HECA: variants seen among roughly 807,000 people sequenced by gnomAD.
The protein encoded by HECA is HECA ribonucleoprotein granule regulator, also known as headcase protein homolog.
Under a neutral mutation model 37.6 loss-of-function variants are expected in HECA, and 13 were observed. The observed-to-expected ratio is 0.35, with a 90% CI of 0.23 to 0.55. The LOEUF is 0.55. HECA is among the 20% of genes least tolerant of loss of function. The pLI is 0.90. For missense variants in HECA, 527 were observed against 701.9 expected (o/e 0.75, Z 2.82); for synonymous variants, 307 against 291.5 (o/e 1.05, Z -0.54).
intron 2 of HECA, among the ~76,000 whole-genome samples, chr6:139,167,601 G>A (rs1227771827): frequency 2.0e-5 from 3 of 152,200 alleles, no homozygotes; most frequent in African/African-American, 7.2e-5. Flanking sequence ...AATGGGGAAG[G>A]AAATTAGTGG....
intron 2 of HECA, among the ~76,000 whole-genome samples, chr6:139,174,041 G>A (rs772774455): frequency 2.6e-5 from 4 of 152,192 alleles, no homozygotes; most frequent in Non-Finnish European, 4.4e-5. Context: ...TGAGCAGGAA[G>A]TCCTGCGTGA....
rs1487995806 is a variant in HECA, at chr6:139,135,667, G to C, written c.271G>C (p.Glu91Gln). 2 of 981,960 alleles carry C rather than the reference G, an allele frequency of 2.0e-6. No individual in the cohort carries two copies. Among genetic ancestry groups the C allele is most frequent in the Non-Finnish European group, 2.4e-6 (2 of 826,622 alleles). The allele number at this position is 981,960 out of a possible 1,614,324, so 60.8% of individuals were successfully genotyped here. A position where few individuals can be genotyped will look rare whatever the true frequency, so the allele number is the denominator to read the frequency against. ...GAAAAGDAKN[E>Q]APCATPLICS... is the part of the protein sequence containing the mutation. Reference sequence around the variant, plus strand: ...TGCGGCCGCGGGCGATGCCAAAAACGGTAAGACGGGGCTGGCGGGGCGAGC... The same window carrying C: ...TGCGGCCGCGGGCGATGCCAAAAACCGTAAGACGGGGCTGGCGGGGCGAGC... Residue 91 changes from glutamate to glutamine, a missense_variant and splice_region_variant, in exon 1 of 4, where the codon GAA becomes CAA. By Grantham distance (29) the Glu-to-Gln change is conservative. Transcript: ENST00000367658.
chr6:139,175,696 A>G (rs928569915), intron 3 of HECA, among the ~76,000 whole-genome samples: 1 of 152,208 alleles, frequency 6.6e-6, no homozygotes, highest in Non-Finnish European at 1.5e-5. Flanking sequence ...CCAGGTCTAC[A>G]TACATTGTGT....
chr6:139,166,630 C>G lies in HECA; in HGVS notation c.618C>G (p.Gly206=). ...AGGACGAGAAAAAGAAGAAGTCTGG[C>G]TCCGAGAAGAACACAGGGAGGCCTC... ...RMQDEKKKKS[G]SEKNTGRPPG... Residue 206 remains glycine, a synonymous_variant, in exon 2 of 4, where the codon GGC becomes GGG. Coordinates refer to ENST00000367658, the MANE Select transcript of HECA (RefSeq NM_016217.3). 6.2e-7 allele frequency: 1 copy of G among 1,614,186 alleles called. No homozygotes were observed. The highest frequency in any genetic ancestry group is 8.5e-7 in the Non-Finnish European group (1 of 1,180,032).
chr6:139,152,466 CAG>C (rs1198407742), intron 1 of HECA, among the ~76,000 whole-genome samples: 2 of 126,676 alleles, frequency 1.6e-5, no homozygotes, highest in African/African-American at 2.9e-5. Context: ...TTTATTTTGA[CAG>C]AGTGGTTTGC....
intron 1 of HECA, among the ~76,000 whole-genome samples, chr6:139,146,412 G>A (rs1582936694): frequency 1.3e-5 from 2 of 152,096 alleles, no homozygotes; most frequent in Non-Finnish European, 1.5e-5. Context: ...CTTTGTTTTC[G>A]CTTTATAAAT....
Position 139,156,793 on chromosome 6 carries a change from A to C in HECA, c.272-9491A>C, listed in dbSNP as rs547525329. On this transcript the variant is annotated intron_variant, in intron 1 of 3. Transcript: ENST00000367658. ...GGAATAATCTGTTCTGAATTATGTA[A>C]GTTCTTCAGGACCATGTCCCATGAG... Among the ~76,000 whole-genome samples the C allele has an allele frequency of 2.2e-4, 33 of 152,332 alleles. 1 individual carries two copies. The South Asian group carries it at 6.8e-3, about 32-fold the overall frequency.
Position 139,176,432 on chromosome 6 carries a change from C to T in HECA, c.1468-509C>T, listed in dbSNP as rs150023771. Among the ~76,000 whole-genome samples the T allele has an allele frequency of 5.6e-4, 86 of 152,274 alleles. No homozygotes were observed. Among genetic ancestry groups the T allele is most frequent in the African/African-American group, 1.9e-3 (78 of 41,546 alleles). ...GAAAGGTTCCAGGACTGTGCTGTTA[C>T]GGAGAGGCTAGGCATGAGTGAAGAT... On this transcript the variant is annotated intron_variant, in intron 3 of 3. Transcript: ENST00000367658. This position sits in a 1 kb window ranked among gnomAD's most constrained non-coding sequence, Gnocchi z 4.5.
At chr6:139,145,407 CAAGA>C (rs1234457972) in intron 1 of HECA, among the ~76,000 whole-genome samples, 4 of 152,064 alleles carry the variant, frequency 2.6e-5, no homozygotes, top group African/African-American at 7.2e-5. Context: ...GAGTGAGAAA[CAAGA>C]AAGATACTAA....
rs745388374 is a variant in HECA, at chr6:139,166,871, G to A, written c.859G>A (p.Gly287Ser). The change falls in exon 2 of 4, where the codon GGC becomes AGC. Residue 287 changes from glycine to serine, a missense_variant. Gly to Ser is a moderately conservative substitution (Grantham distance 56). Coordinates refer to ENST00000367658, the MANE Select transcript of HECA (RefSeq NM_016217.3). ...YSILSPAHFSGPRSSRYLGEF... is the reference protein window; with the variant it reads ...YSILSPAHFSSPRSSRYLGEF... The stretch of plus-strand genomic sequence containing the variant: ...CATCCTCTCTCCTGCCCACTTCAGC[G>A]GCCCCCGCTCCTCCAGATACCTCGG... 7.4e-6 allele frequency: 12 copies of A among 1,613,786 alleles called. No individual in the cohort carries two copies. Among genetic ancestry groups the A allele is most frequent in the South Asian group, 4.4e-5 (4 of 91,080 alleles).
Position 139,166,801 on chromosome 6 carries a change from T to G in HECA, c.789T>G (p.Arg263=), listed in dbSNP as rs766550253. ...TGGGTGCCGCAGCCTACGGTGCCCG[T>G]TCCCCCGGTGGCTCCCCGGGCCAGT... ...KAVGAAAYGA[R]SPGGSPGQSP... The change falls in exon 2 of 4, where the codon CGT becomes CGG. Residue 263 remains arginine, a synonymous_variant. Transcript: ENST00000367658. 1.0e-4 allele frequency: 168 copies of G among 1,613,562 alleles called. No individual in the cohort carries two copies. Among genetic ancestry groups the G allele is most frequent in the Non-Finnish European group, 1.3e-4 (158 of 1,179,930 alleles).
chr6:139,149,307 A>G (rs908393930), intron 1 of HECA, among the ~76,000 whole-genome samples: 33 of 152,318 alleles, frequency 2.2e-4, no homozygotes, highest in African/African-American at 7.9e-4. Flanking sequence ...TGGCTCTGCC[A>G]TTTTGCAAGG....
chr6:139,139,704 T>A lies in HECA; in HGVS notation c.271+4037T>A, dbSNP rs562617099. On this transcript the variant is annotated intron_variant, in intron 1 of 3. Transcript: ENST00000367658. ...AATAGGGGCAGGGCCTTCTACACAC[T>A]CCCCCAACTCCCAGTTGACTGGTCA... 2.0e-5 allele frequency among the ~76,000 whole-genome samples: 3 copies of A among 152,190 alleles called. No individual in the cohort carries two copies. The South Asian group carries it at 6.2e-4, about 32-fold the overall frequency.
intron 1 of HECA, among the ~76,000 whole-genome samples, chr6:139,161,069 G>C (rs1774795326): frequency 6.6e-6 from 1 of 151,956 alleles, no homozygotes; most frequent in South Asian, 2.1e-4. Flanking sequence ...GGACAGGGGT[G>C]GTGCTAATGA....
chr6:139,171,832 TTG>T (rs1039350224), intron 2 of HECA, among the ~76,000 whole-genome samples: 7 of 151,444 alleles, frequency 4.6e-5, no homozygotes, highest in African/African-American at 7.3e-5. Flanking sequence ...TTGTTTGTTG[TTG>T]TGTTTTTTTT....
intron 1 of HECA, among the ~76,000 whole-genome samples, chr6:139,136,528 A>G (rs1322259052): frequency 6.6e-6 from 1 of 152,130 alleles, no homozygotes; most frequent in Non-Finnish European, 1.5e-5. Flanking sequence ...TTTTCCAGGA[A>G]GACAACGTAG....
intron 1 of HECA, chr6:139,151,354 G>A (rs768243836): frequency 1.1e-4 from 17 of 152,180 alleles, no homozygotes; most frequent in African/African-American, 4.1e-4. Context: ...TAGCTACATC[G>A]TGCTGAGATT....
intron 1 of HECA, chr6:139,155,641 T>A (rs1285247132): frequency 6.6e-6 from 1 of 152,196 alleles, no homozygotes; most frequent in Non-Finnish European, 1.5e-5. Flanking sequence ...TTTATGATAG[T>A]GTGATTTGGT....
intron 1 of HECA, among the ~76,000 whole-genome samples, chr6:139,150,474 T>TAAAAAA (rs60587674): frequency 6.9e-6 from 1 of 144,662 alleles, no homozygotes. Flanking sequence ...AGAGTGGGGC[T>TAAAAAA]AAAAAAAAAA....
Sources: gnomAD v4.1 joint callset for allele counts (sites outside exome capture counted in the v4.1 genomes callset) on GRCh38, gnomAD v4.1.1 for gene constraint, Gnocchi (gnomAD v3.1) non-coding constraint, MANE v1.5 for transcripts, NCBI Gene and HGNC (gene_info 2026-07-23, HGNC 2026-07-21) for gene names.